TRIM5: variants seen among roughly 807,000 people sequenced by gnomAD.
TRIM5 encodes tripartite motif-containing protein 5.
TRIM5 carries 31 observed loss-of-function variants against 35.6 expected under a neutral mutation model. The ratio of observed to expected loss-of-function variants is 0.87; its 90% confidence interval spans 0.65 to 1.18. The LOEUF (loss-of-function observed/expected upper bound fraction) is 1.18, where lower values mean the gene tolerates loss of function less well. TRIM5 is among the 50% of genes most tolerant of loss of function. The pLI is 0.00. For missense variants in TRIM5, 609 were observed against 591.6 expected (o/e 1.03, Z -0.31); for synonymous variants, 243 against 215.6 (o/e 1.13, Z -1.11).
At chr11:5,647,792 A>G in the TRIM5 span, among the ~76,000 whole-genome samples, 8 of 152,258 alleles carry the variant, frequency 5.3e-5, no homozygotes, top group Admixed American at 3.3e-4. Context: ...AAGTGCTGGG[A>G]TTATAAGCGT....
chr11:5,657,201 T>A, the TRIM5 span, among the ~76,000 whole-genome samples: 2 of 152,060 alleles, frequency 1.3e-5, no homozygotes, highest in South Asian at 4.1e-4. Context: ...CTCAGCAAAC[T>A]AACACAGGAA....
At chr11:5,659,068 G>A (rs1323864791), downstream of TRIM5, among the ~76,000 whole-genome samples, 1 of 152,018 alleles carries the variant, frequency 6.6e-6, no homozygotes, top group African/African-American at 2.4e-5. Context: ...GAGTTAATGG[G>A]TGCACCAAAC....
chr11:5,610,497 G>A, the TRIM5 span: 8 of 1,613,940 alleles, frequency 5.0e-6, no homozygotes, highest in Non-Finnish European at 6.8e-6. Context: ...GAGACAGTTG[G>A]TCCTATTCAA....
At chr11:5,596,494 C>T in the TRIM5 span, among the ~76,000 whole-genome samples, 2 of 125,212 alleles carry the variant, frequency 1.6e-5, no homozygotes, top group African/African-American at 3.0e-5. Flanking sequence ...AGTCAGCATC[C>T]CTTCCCCCCT....
chr11:5,673,388 T>A (rs1233164580), intron 4 of TRIM5, among the ~76,000 whole-genome samples: 1 of 152,136 alleles, frequency 6.6e-6, no homozygotes, highest in Non-Finnish European at 1.5e-5. Context: ...ATAACAATAT[T>A]AGTGTATCTT....
At chr11:5,662,779 C>T (rs576407307), downstream of TRIM5, among the ~76,000 whole-genome samples, 12 of 152,256 alleles carry the variant, frequency 7.9e-5, no homozygotes, top group East Asian at 1.5e-3. Context: ...AGAACTATTA[C>T]ATATTGTTAA....
In TRIM5 at chr11:5,663,592, A is replaced by G; in HGVS notation, c.*1217T>C. 1.0e-6 allele frequency: 1 copy of G among 961,142 alleles called. No homozygotes were observed. The highest frequency in any genetic ancestry group is 1.2e-6 in the Non-Finnish European group (1 of 807,588). The allele number at this position is 961,142 out of a possible 1,614,324, so 59.5% of individuals were successfully genotyped here. A position where few individuals can be genotyped will look rare whatever the true frequency, so the allele number is the denominator to read the frequency against. On this transcript the variant is annotated 3_prime_UTR_variant, in exon 8 of 8. Transcript: ENST00000380034. ...ATACTTCAGGAATTTATTTTTTCAC[A>G]ATGATCCAAAGTATTAGATGAAGGT...
chr11:5,592,349 A>T, the TRIM5 span, among the ~76,000 whole-genome samples: 1 of 152,152 alleles, frequency 6.6e-6, no homozygotes, highest in South Asian at 2.1e-4. Flanking sequence ...ATATACTTGC[A>T]TATTTAGTCT....
chr11:5,676,163 C>T (rs574753358), intron 4 of TRIM5, among the ~76,000 whole-genome samples: 2 of 151,278 alleles, frequency 1.3e-5, no homozygotes, highest in South Asian at 2.1e-4. Flanking sequence ...AATAAACATA[C>T]GTGTGCATGT....
At chr11:5,610,346 G>GA in the TRIM5 span, 1 of 1,582,678 alleles carries the variant, frequency 6.3e-7, no homozygotes, top group South Asian at 1.1e-5. Flanking sequence ...TAGTGGCAAA[G>GA]AGGGAGGTCC....
chr11:5,619,470 C>T, the TRIM5 span, among the ~76,000 whole-genome samples: 3 of 145,874 alleles, frequency 2.1e-5, no homozygotes, highest in South Asian at 2.1e-4. Context: ...TCTCTCTCTG[C>T]CAGAAAAGAA....
At position 5,664,429 on chromosome 11, in the gene TRIM5, T is replaced by C. The variant is rs1269015348; in HGVS notation, c.*380A>G. 2.9e-5 allele frequency: 29 copies of C among 1,011,078 alleles called. No individual in the cohort carries two copies. The highest frequency in any genetic ancestry group is 3.4e-5 in the Non-Finnish European group (29 of 844,992). The allele number at this position is 1,011,078 out of a possible 1,614,324, so 62.6% of individuals were successfully genotyped here. On this transcript the variant is annotated 3_prime_UTR_variant, in exon 8 of 8. Transcript: ENST00000380034. Reference sequence around the variant, plus strand: ...ACAGGGCTAAGGACTCATTCATTGGTGAACAATTATCACACGATGATATAG... The same window carrying C: ...ACAGGGCTAAGGACTCATTCATTGGCGAACAATTATCACACGATGATATAG...
chr11:5,615,591 G>T, the TRIM5 span, among the ~76,000 whole-genome samples: 184 of 80,074 alleles, frequency 2.3e-3, no homozygotes, highest in South Asian at 0.017. Context: ...TTTTTTTGTT[G>T]TTGTTGTTGT....
At chr11:5,591,158 G>A in the TRIM5 span, 1 of 152,750 alleles carries the variant, frequency 6.5e-6, no homozygotes, top group African/African-American at 2.4e-5. Flanking sequence ...TTGTTTCTGA[G>A]GAAACTAAAA....
At chr11:5,649,286 T>A in the TRIM5 span, among the ~76,000 whole-genome samples, 3 of 152,186 alleles carry the variant, frequency 2.0e-5, no homozygotes, top group African/African-American at 7.2e-5. Context: ...CATTCCATAT[T>A]CTCTTTCCTC....
At chr11:5,596,662 C>G in the TRIM5 span, 1 of 548,120 alleles carries the variant, frequency 1.8e-6, no homozygotes, top group Non-Finnish European at 3.1e-6. Flanking sequence ...ATGAGCCTTC[C>G]GCAAACTCCT....
At chr11:5,627,295 G>A in the TRIM5 span, among the ~76,000 whole-genome samples, 17 of 151,880 alleles carry the variant, frequency 1.1e-4, no homozygotes, top group Admixed American at 2.0e-4. Flanking sequence ...CAAGAGAAGC[G>A]CTTGAACCCA....
the TRIM5 span, among the ~76,000 whole-genome samples, chr11:5,608,843 A>G: frequency 2.9e-5 from 3 of 101,778 alleles, no homozygotes; most frequent in African/African-American, 4.5e-5. Flanking sequence ...TTCTTTGCCC[A>G]TAAATTTTTT....
At chr11:5,655,754 A>G in the TRIM5 span, 1 of 907,482 alleles carries the variant, frequency 1.1e-6, no homozygotes, top group Admixed American at 6.2e-5. Flanking sequence ...TGCAGGACAT[A>G]TAAAATCATT....
Sources: allele counts gnomAD v4.1 joint callset (sites outside exome capture counted in the v4.1 genomes callset), GRCh38; gene constraint gnomAD v4.1.1; transcripts MANE v1.5; gene names NCBI Gene and HGNC (gene_info 2026-07-23, HGNC 2026-07-21).